Variants in AFDN observed in about 807,000 individuals in gnomAD.
AFDN encodes afadin, adherens junction formation factor, also known as afadin.
A neutral mutation model predicts 216.6 loss-of-function variants in AFDN; 68 were observed. The ratio of observed to expected loss-of-function variants is 0.31; its 90% CI spans 0.26 to 0.38. The LOEUF is 0.38. Among genes scored for constraint, AFDN ranks in the 10% least tolerant of loss-of-function variants. The probability of loss-of-function intolerance (pLI) is 1.00; values close to 1 mark genes in which losing one functional copy is unlikely to be tolerated. For synonymous variants in AFDN, 868 were observed against 853.7 expected (o/e 1.02, Z -0.29); for missense variants, 2,136 against 2,342.0 (o/e 0.91, Z 1.82).
chr6:167,827,854 C>G (rs1583055710), intron 1 of AFDN: 1 of 152,198 alleles, frequency 6.6e-6, no homozygotes, highest in Non-Finnish European at 1.5e-5. Context: ...CCCTCTGCGG[C>G]GGCCTCTGCC....
chr6:167,858,468 T>TA (rs1783152417), intron 1 of AFDN, among the ~76,000 whole-genome samples: 3 of 152,218 alleles, frequency 2.0e-5, no homozygotes, highest in Non-Finnish European at 2.9e-5. Context: ...GTTTTGTTAG[T>TA]TTTCTTAAGT....
intron 8 of AFDN, among the ~76,000 whole-genome samples, chr6:167,892,882 T>TG (rs1160928251): frequency 6.6e-6 from 1 of 152,204 alleles, no homozygotes; most frequent in African/African-American, 2.4e-5. Context: ...CAACAGCATT[T>TG]GTTACATGGT....
chr6:167,834,466 T>TG (rs925053082), intron 1 of AFDN, among the ~76,000 whole-genome samples: 1 of 144,830 alleles, frequency 6.9e-6, no homozygotes, highest in South Asian at 2.3e-4. Flanking sequence ...GGTTTTTTTT[T>TG]TTTTTTTTTT....
chr6:167,925,197 G>C, intron 23 of AFDN, 106 bp downstream of exon 23: 1 of 786,430 alleles, frequency 1.3e-6, no homozygotes, highest in Non-Finnish European at 2.2e-6. Context: ...TGTGTATAAC[G>C]TGCCTGTTCA....
intron 23 of AFDN, among the ~76,000 whole-genome samples, chr6:167,940,944 C>T (rs1582978307): frequency 5.0e-5 from 2 of 40,302 alleles, no homozygotes; most frequent in South Asian, 2.3e-3. Context: ...GATGTGTGGA[C>T]AGACACAGAG....
chr6:167,909,790 T>TA (rs1398469966), intron 13 of AFDN, among the ~76,000 whole-genome samples: 2 of 152,206 alleles, frequency 1.3e-5, no homozygotes, highest in Non-Finnish European at 2.9e-5. Context: ...TCATTTTTCA[T>TA]TAAGTTTGCG....
chr6:167,967,019 T>C (rs1225152034), intron 32 of AFDN, among the ~76,000 whole-genome samples: 1 of 152,234 alleles, frequency 6.6e-6, no homozygotes, highest in Non-Finnish European at 1.5e-5. Flanking sequence ...AGGACAGTTG[T>C]GCAGGGGACA....
rs529754750 is a variant in AFDN at position 167,965,853 on chromosome 6, G to T, written c.5065G>T (p.Gly1689Cys). Residue 1689 changes from glycine to cysteine, a missense_variant, in exon 32 of 34, where the codon GGT becomes TGT. Transcript: ENST00000683244. Reference protein sequence around the residue: ...ARRLLEPEAPGLCRPPLPRDY... With the variant: ...ARRLLEPEAPCLCRPPLPRDY... The stretch of plus-strand genomic sequence containing the variant: ...CAGGTTGCTGGAGCCCGAGGCGCCC[G>T]GTCTGTGCCGCCCTCCGCTTCCCCG... The T allele has an allele frequency of 5.8e-6, 9 of 1,549,386 alleles. No homozygotes were observed. The highest frequency in any genetic ancestry group is 7.8e-6 in the Non-Finnish European group (9 of 1,146,588).
chr6:167,914,113 T>C, intron 16 of AFDN, 55 bp from the exon 17 acceptor site: 1 of 1,590,306 alleles, frequency 6.3e-7, no homozygotes, highest in South Asian at 1.1e-5. Flanking sequence ...TTCCTTTATA[T>C]TTTTATTACT....
At chr6:167,839,330 A>T (rs960878928) in intron 1 of AFDN, among the ~76,000 whole-genome samples, 1 of 152,144 alleles carries the variant, frequency 6.6e-6, no homozygotes, top group African/African-American at 2.4e-5. Context: ...TGGGCCGAGA[A>T]GCATGGGAAA....
intron 22 of AFDN, among the ~76,000 whole-genome samples, chr6:167,924,623 C>T (rs539420322): frequency 1.3e-5 from 2 of 152,236 alleles, no homozygotes; most frequent in African/African-American, 4.8e-5. Context: ...TACATTTCTT[C>T]TTTGAAAACA....
At chr6:167,905,027 G>A (rs1789487359) in intron 12 of AFDN, among the ~76,000 whole-genome samples, 1 of 152,098 alleles carries the variant, frequency 6.6e-6, no homozygotes, top group African/African-American at 2.4e-5. Context: ...GCCCGTGCCT[G>A]CCTCTTTCCT....
chr6:167,864,441 G>T, intron 1 of AFDN, 110 bp from the exon 2 acceptor site: 2 of 1,037,564 alleles, frequency 1.9e-6, no homozygotes, highest in Non-Finnish European at 3.0e-6. Context: ...AGATGTTTAT[G>T]ATGAAGCATT....
At chr6:167,858,339 G>T (rs1783132559) in intron 1 of AFDN, among the ~76,000 whole-genome samples, 1 of 152,208 alleles carries the variant, frequency 6.6e-6, no homozygotes, top group African/African-American at 2.4e-5. Flanking sequence ...TTCACAGCAG[G>T]CTGTGTTTTC....
At chr6:167,884,383 G>C (rs1377152655) in intron 6 of AFDN, among the ~76,000 whole-genome samples, 2 of 152,136 alleles carry the variant, frequency 1.3e-5, no homozygotes, top group Non-Finnish European at 2.9e-5. Flanking sequence ...AGATTTATCA[G>C]AGAATCACTA....
At position 167,951,888 on chromosome 6, in the gene AFDN, C is replaced by A. The variant is rs1160142720; in HGVS notation, c.4534C>A (p.Leu1512Ile). The A allele has an allele frequency of 2.5e-6, 4 of 1,613,966 alleles. No homozygotes were observed. The highest frequency in any genetic ancestry group is 8.5e-7 in the Non-Finnish European group (1 of 1,179,982). Residue 1512 changes from leucine to isoleucine, a missense_variant, in exon 30 of 34, where the codon CTT becomes ATT. Leu to Ile is a conservative substitution (Grantham distance 5, BLOSUM62 2). Around this residue, in one of 8 missense-constraint regions of AFDN, gnomAD observed 981 missense variants for 966.0 expected, o/e 1.02. Coordinates refer to ENST00000683244, the MANE Select transcript of AFDN (RefSeq NM_001386888.1). This position sits in a 1 kb window ranked among gnomAD's most constrained non-coding sequence, Gnocchi z 7.1. ...GTACATTACAGTCAGCAAAGAGGAGCTTTCCTCGGGGGACAGTCTGTCCCC... is the reference window on the plus strand; with the variant it reads ...GTACATTACAGTCAGCAAAGAGGAGATTTCCTCGGGGGACAGTCTGTCCCC... ...LQYITVSKEE[L>I]SSGDSLSPDP...
intron 7 of AFDN, 36 bp from the exon 8 acceptor site, chr6:167,890,826 G>T: frequency 1.9e-6 from 3 of 1,603,444 alleles, no homozygotes; most frequent in Non-Finnish European, 2.6e-6. Flanking sequence ...TGACCAACCT[G>T]AGTCTGCCTG....
intron 29 of AFDN, among the ~76,000 whole-genome samples, chr6:167,950,534 A>C (rs946519368): frequency 2.6e-5 from 4 of 152,170 alleles, no homozygotes; most frequent in African/African-American, 9.7e-5. Flanking sequence ...GACGTATCGC[A>C]GATGTGTGGG....
chr6:167,968,096 T>C (rs1002765313), intron 32 of AFDN, among the ~76,000 whole-genome samples: 1 of 152,254 alleles, frequency 6.6e-6, no homozygotes, highest in Non-Finnish European at 1.5e-5. Context: ...GAATTAGTTT[T>C]ACCAGTGGAA....
Sources: allele counts gnomAD v4.1 joint callset (sites outside exome capture counted in the v4.1 genomes callset), GRCh38; gene constraint gnomAD v4.1.1; regional missense constraint gnomAD v4.1.1; non-coding constraint Gnocchi (gnomAD v3.1); transcripts MANE v1.5; gene names NCBI Gene and HGNC (gene_info 2026-07-23, HGNC 2026-07-21).